The following IL20RA variants were observed in gnomAD, a reference collection of about 807,000 sequenced individuals.
The protein encoded by IL20RA is interleukin 20 receptor subunit alpha.
Under a neutral mutation model 36.5 loss-of-function variants are expected in IL20RA, and 29 were observed. The observed-to-expected ratio is 0.79, with a 90% CI of 0.59 to 1.08. The LOEUF (loss-of-function observed/expected upper bound fraction) is 1.08. Ranked by LOEUF, IL20RA falls within the 50% of genes least tolerant of loss-of-function variation. The probability of loss-of-function intolerance (pLI) is 0.00; values close to 1 mark genes in which losing one functional copy is unlikely to be tolerated. For missense variants in IL20RA, 652 were observed against 668.4 expected, an observed-to-expected ratio of 0.98 and a Z score of 0.27; for synonymous variants, 279 against 267.1, an observed-to-expected ratio of 1.04 and a Z score of -0.43.
intron 5 of IL20RA, among the ~76,000 whole-genome samples, chr6:137,006,340 C>T (rs976853565): frequency 1.3e-5 from 2 of 152,314 alleles, no homozygotes; most frequent in South Asian, 2.1e-4. Flanking sequence ...CGTGCCAATG[C>T]TGTGATGCGG....
intron 1 of IL20RA, among the ~76,000 whole-genome samples, chr6:137,042,360 A>G (rs1776726973): frequency 6.6e-6 from 1 of 152,224 alleles, no homozygotes; most frequent in Non-Finnish European, 1.5e-5. Flanking sequence ...GGCTTTGAGC[A>G]GAGGAGGCAG....
At position 137,009,477 on chromosome 6, in the gene IL20RA, G is replaced by A; in HGVS notation, c.419C>T (p.Pro140Leu). The change falls in exon 4 of 7, where the codon CCA (proline) becomes CTA (leucine). Residue 140 changes from proline to leucine, a missense_variant. Physicochemically the swap from Pro to Leu is moderately conservative, Grantham distance 98 (BLOSUM62 -3). Transcript: ENST00000316649. The stretch of plus-strand genomic sequence containing the variant: ...CTCATCTGTAGTCAGTGCCACCTCT[G>A]GTGGGCCAATTTGTGCTTAAAGGGG... ...YPFLETQIGP[P>L]EVALTTDEKS... is the part of the protein sequence containing the mutation. 1 of 1,610,284 alleles carries A rather than the reference G, an allele frequency of 6.2e-7. No individual in the cohort carries two copies. The highest frequency in any genetic ancestry group is 8.5e-7 in the Non-Finnish European group (1 of 1,176,726).
chr6:137,021,101 A>C (rs926135823), intron 1 of IL20RA, among the ~76,000 whole-genome samples: 4 of 151,196 alleles, frequency 2.6e-5, no homozygotes, highest in Non-Finnish European at 5.9e-5. Context: ...CTTTCCTTAG[A>C]TCAGGCAAAG....
chr6:137,004,159 C>CTT (rs140038413), intron 6 of IL20RA, among the ~76,000 whole-genome samples: 6 of 88,006 alleles, frequency 6.8e-5, no homozygotes, highest in African/African-American at 2.8e-4. Flanking sequence ...ATCCAGAAAG[C>CTT]TTTTTTTTTT....
chr6:137,014,019 C>G (rs1169629692), intron 2 of IL20RA, among the ~76,000 whole-genome samples: 1 of 152,188 alleles, frequency 6.6e-6, no homozygotes, highest in Non-Finnish European at 1.5e-5. Context: ...ACATAAAGGA[C>G]AGAGCAAGCT....
intron 5 of IL20RA, 114 bp from the exon 6 acceptor site, chr6:137,004,874 T>A (rs1775224605): frequency 3.1e-6 from 3 of 977,298 alleles, no homozygotes; most frequent in Non-Finnish European, 4.5e-6. Flanking sequence ...ATCACTTACA[T>A]TTGGGAACTC....
rs901626954 is a variant in IL20RA at position 137,044,955 on chromosome 6, C to G, written c.-227G>C. 1 of 337,720 alleles carries G rather than the reference C, an allele frequency of 3.0e-6. No homozygotes were observed. Among genetic ancestry groups the G allele is most frequent in the Admixed American group, 4.9e-5 (1 of 20,288 alleles). 20.9% of individuals were successfully genotyped at this position (337,720 alleles called of 1,614,324 possible). On this transcript the variant is annotated 5_prime_UTR_variant, in exon 1 of 7. Coordinates refer to ENST00000316649, the MANE Select transcript of IL20RA (RefSeq NM_014432.4). ...GCCCCCACGCGCGCTCCCCCGGCTA[C>G]CCAGCTGGATGGCAGCGCGAGGGCA...
chr6:137,031,686 G>C (rs1399397076), intron 1 of IL20RA, among the ~76,000 whole-genome samples: 1 of 152,170 alleles, frequency 6.6e-6, no homozygotes, highest in African/African-American at 2.4e-5. Context: ...ATCAAGTGAT[G>C]CTTCACTGTT....
At chr6:137,009,193 G>T in intron 4 of IL20RA, 124 bp downstream of exon 4, 2 of 853,512 alleles carry the variant, frequency 2.3e-6, no homozygotes, top group Admixed American at 1.8e-5. Flanking sequence ...TTTGTGCGGC[G>T]TATCTTTTGA....
rs931824391 is a variant in IL20RA, at chr6:137,044,637, C to T, written c.88+4G>A. On this transcript the variant is annotated splice_donor_region_variant and intron_variant, in intron 1 of 6. Transcript: ENST00000316649. ...ACCCGCACCTGGCGGCGCGACCCAC[C>T]TACCTGCCCGTCCCCAAGGCGCCGC... 3 of 1,222,450 alleles carry T rather than the reference C, an allele frequency of 2.5e-6. No homozygotes were observed. Among genetic ancestry groups the T allele is most frequent in the East Asian group, 3.2e-5 (1 of 30,950 alleles). 75.7% of individuals were successfully genotyped at this position (1,222,450 alleles called of 1,614,324 possible). A position where few individuals can be genotyped will look rare whatever the true frequency, so the allele number is the denominator to read the frequency against.
chr6:137,023,351 T>C (rs568253844), intron 1 of IL20RA, among the ~76,000 whole-genome samples: 1 of 151,920 alleles, frequency 6.6e-6, no homozygotes, highest in Non-Finnish European at 1.5e-5. Context: ...AAGAGGACAG[T>C]GGCCAAGATG....
intron 1 of IL20RA, among the ~76,000 whole-genome samples, chr6:137,031,441 T>C (rs1413152398): frequency 6.6e-6 from 1 of 152,234 alleles, no homozygotes; most frequent in Non-Finnish European, 1.5e-5. Flanking sequence ...ATGATGTATA[T>C]ATAAGATGTG....
intron 5 of IL20RA, 69 bp from the exon 6 acceptor site, chr6:137,004,829 G>T: frequency 7.1e-7 from 1 of 1,415,526 alleles, no homozygotes. Context: ...GATGTGATGG[G>T]AAAAACCTCG....
intron 1 of IL20RA, among the ~76,000 whole-genome samples, chr6:137,024,476 C>G (rs974505755): frequency 2.0e-5 from 3 of 152,206 alleles, no homozygotes; most frequent in African/African-American, 7.2e-5. Context: ...TGAGATTTCA[C>G]ATCCCAAATT....
intron 2 of IL20RA, among the ~76,000 whole-genome samples, chr6:137,015,129 A>G (rs972101041): frequency 1.3e-5 from 2 of 152,174 alleles, no homozygotes; most frequent in Non-Finnish European, 2.9e-5. Context: ...CTTAAAGTCC[A>G]ATAACTTCAC....
chr6:137,035,545 C>T (rs576741124), intron 1 of IL20RA, among the ~76,000 whole-genome samples: 18 of 152,162 alleles, frequency 1.2e-4, no homozygotes, highest in Non-Finnish European at 2.2e-4. Context: ...TTCTTGTTCA[C>T]CCTGAAGCCT....
At position 137,002,023 on chromosome 6, in the gene IL20RA, A is replaced by C. The variant is rs1189513441; in HGVS notation, c.1197T>G (p.Ile399Met). The change falls in exon 7 of 7, where the codon ATT becomes ATG. Residue 399 changes from isoleucine (I) to methionine (M), a missense_variant. Physicochemically the swap from Ile to Met is conservative, Grantham distance 10. Transcript: ENST00000316649. Reference protein sequence around the residue: ...SRTIPPDKTVIEYEYDVRTTD... With the variant: ...SRTIPPDKTVMEYEYDVRTTD... ...TGGTTCTGACATCATATTCATATTC[A>C]ATGACTGTTTTATCCGGGGGTATTG... 10 of 1,614,016 alleles carry C rather than the reference A, an allele frequency of 6.2e-6. No homozygotes were observed. The highest frequency in any genetic ancestry group is 8.5e-6 in the Non-Finnish European group (10 of 1,180,030).
intron 1 of IL20RA, among the ~76,000 whole-genome samples, chr6:137,042,518 T>G (rs1038145154): frequency 1.3e-5 from 2 of 152,202 alleles, no homozygotes; most frequent in Non-Finnish European, 2.9e-5. Context: ...AAGGATAAAC[T>G]TCACTGTGAA....
intron 1 of IL20RA, chr6:137,044,128 G>C (rs1776809995): frequency 7.1e-6 from 7 of 985,516 alleles, no homozygotes; most frequent in African/African-American, 1.7e-5. Flanking sequence ...ATGTTCCTTC[G>C]GGGCTGACCC....
Sources: gnomAD v4.1 joint callset for allele counts (sites outside exome capture counted in the v4.1 genomes callset) on GRCh38, gnomAD v4.1.1 for gene constraint, MANE v1.5 for transcripts, NCBI Gene and HGNC (gene_info 2026-07-23, HGNC 2026-07-21) for gene names.